HMGCLL1: variants seen among roughly 807,000 people sequenced by gnomAD.
HMGCLL1 encodes 3-hydroxymethyl-3-methylglutaryl-CoA lyase, cytoplasmic.
A neutral mutation model predicts 39.1 loss-of-function variants in HMGCLL1; 36 were observed. The ratio of observed to expected loss-of-function variants is 0.92; its 90% CI spans 0.71 to 1.22. The LOEUF is 1.22. HMGCLL1 is among the 50% of genes most tolerant of loss of function. The pLI is 0.00. For synonymous variants in HMGCLL1, 149 were observed against 144.0 expected, an observed-to-expected ratio of 1.03 and a Z score of -0.25; for missense variants, 451 against 416.5, an observed-to-expected ratio of 1.08 and a Z score of -0.72.
At chr6:55,653,370 T>C in the HMGCLL1 span, among the ~76,000 whole-genome samples, 1 of 151,988 alleles carries the variant, frequency 6.6e-6, no homozygotes, top group Non-Finnish European at 1.5e-5. Flanking sequence ...TTAAAGTCGA[T>C]TGTATGAAAC....
At chr6:55,674,120 T>A in the HMGCLL1 span, among the ~76,000 whole-genome samples, 550 of 152,104 alleles carry the variant, frequency 3.6e-3, 7 homozygotes, top group Non-Finnish European at 1.4e-3. Context: ...TTGAAAATGA[T>A]GTTGATACAT....
rs1037624767 is a variant in HMGCLL1 at position 55,531,868 on chromosome 6, A to G, written c.297+9861T>C. ...GCTGTCTTTATCATCCCCATATGGGACTGTCTAGTTGCAGGAAAACAAGCT... is the reference window on the plus strand; with the variant it reads ...GCTGTCTTTATCATCCCCATATGGGGCTGTCTAGTTGCAGGAAAACAAGCT... On this transcript the variant is annotated intron_variant, in intron 3 of 8. Coordinates refer to ENST00000274901, the MANE Select transcript of HMGCLL1 (RefSeq NM_001042406.2). Among the ~76,000 whole-genome samples the G allele has an allele frequency of 5.9e-5, 9 of 152,266 alleles. 1 individual carries two copies. The highest frequency in any genetic ancestry group is 3.3e-4 in the Admixed American group (5 of 15,302).
chr6:55,459,475 A>T (rs1404188233), intron 7 of HMGCLL1, among the ~76,000 whole-genome samples: 2 of 152,018 alleles, frequency 1.3e-5, no homozygotes. Flanking sequence ...AGCAGACCTT[A>T]AAAAATATAA....
the HMGCLL1 span, among the ~76,000 whole-genome samples, chr6:55,628,626 G>A: frequency 1.3e-5 from 2 of 151,984 alleles, no homozygotes; most frequent in Non-Finnish European, 2.9e-5. Context: ...TGAAAAGTCT[G>A]ATACCAGATG....
the HMGCLL1 span, among the ~76,000 whole-genome samples, chr6:55,651,372 A>T: frequency 6.6e-6 from 1 of 152,050 alleles, no homozygotes; most frequent in Non-Finnish European, 1.5e-5. Context: ...GTGTCTAGAA[A>T]TGTTACCTAT....
chr6:55,513,862 A>G, intron 5 of HMGCLL1, 186 bp downstream of exon 5: 1 of 559,688 alleles, frequency 1.8e-6, no homozygotes. Flanking sequence ...CAAGCTAGAT[A>G]CTCACTAATA....
chr6:55,571,479 T>C (rs572640972), intron 1 of HMGCLL1, among the ~76,000 whole-genome samples: 2 of 152,244 alleles, frequency 1.3e-5, no homozygotes, highest in South Asian at 4.1e-4. Flanking sequence ...TGAGTGAGGC[T>C]GATAGATTTG....
At chr6:55,664,011 T>C in the HMGCLL1 span, among the ~76,000 whole-genome samples, 1 of 151,890 alleles carries the variant, frequency 6.6e-6, no homozygotes, top group Non-Finnish European at 1.5e-5. Context: ...TTTTCTAATT[T>C]CCATTTGCTT....
the HMGCLL1 span, among the ~76,000 whole-genome samples, chr6:55,662,147 G>T: frequency 6.6e-6 from 1 of 151,590 alleles, no homozygotes; most frequent in Non-Finnish European, 1.5e-5. Flanking sequence ...GGATAGTTTG[G>T]CTTCCTTCCT....
intron 3 of HMGCLL1, among the ~76,000 whole-genome samples, chr6:55,528,833 C>A (rs1276572952): frequency 2.0e-5 from 3 of 151,926 alleles, no homozygotes; most frequent in Admixed American, 6.6e-5. Flanking sequence ...GGGTGAAATG[C>A]CTACACGTCT....
intron 7 of HMGCLL1, among the ~76,000 whole-genome samples, chr6:55,490,192 C>A (rs13213275): frequency 6.6e-6 from 1 of 151,814 alleles, no homozygotes; most frequent in Admixed American, 6.6e-5. Context: ...CTATCAGATA[C>A]GTGTTGAAGA....
the HMGCLL1 span, among the ~76,000 whole-genome samples, chr6:55,628,773 A>G: frequency 8.9e-3 from 1,352 of 152,210 alleles, 17 homozygotes; most frequent in African/African-American, 0.031. Context: ...ATGATAGTGA[A>G]TAAGTCTCAT....
At chr6:55,521,942 G>T (rs1002600185) in intron 3 of HMGCLL1, among the ~76,000 whole-genome samples, 4 of 151,934 alleles carry the variant, frequency 2.6e-5, no homozygotes, top group Admixed American at 6.6e-5. Context: ...TAAATGCAAA[G>T]AAAAAGTCAG....
At chr6:55,477,293 AATAATATATATTATATAT>A (rs1765432948) in intron 7 of HMGCLL1, among the ~76,000 whole-genome samples, 1 of 9,090 alleles carries the variant, frequency 1.1e-4, no homozygotes, top group African/African-American at 1.4e-3. Context: ...TTATATATAA[AATAATATATATTATATAT>A]ATAATATATA....
At chr6:55,632,502 T>C in the HMGCLL1 span, among the ~76,000 whole-genome samples, 1 of 151,530 alleles carries the variant, frequency 6.6e-6, no homozygotes, top group African/African-American at 2.4e-5. Flanking sequence ...GGTCAGAATG[T>C]ATTACTCATC....
At chr6:55,590,691 A>G in the HMGCLL1 span, among the ~76,000 whole-genome samples, 1 of 152,146 alleles carries the variant, frequency 6.6e-6, no homozygotes, top group Middle Eastern at 3.4e-3. Context: ...TAAACTGTGG[A>G]TACTATATGT....
the HMGCLL1 span, among the ~76,000 whole-genome samples, chr6:55,635,659 A>G: frequency 2.0e-5 from 3 of 152,150 alleles, no homozygotes; most frequent in Non-Finnish European, 2.9e-5. Context: ...GCTGCATTAT[A>G]TTGAATAATC....
At chr6:55,447,753 C>A (rs1763917677) in intron 7 of HMGCLL1, among the ~76,000 whole-genome samples, 1 of 152,062 alleles carries the variant, frequency 6.6e-6, no homozygotes, top group African/African-American at 2.4e-5. Flanking sequence ...AACACATGCC[C>A]ATTTTACTCA....
At position 55,495,462 on chromosome 6, in the gene HMGCLL1, TCATGACA is replaced by T; in HGVS notation, c.745_751del (p.Cys249ThrfsTer7). 6.2e-7 allele frequency: 1 copy of T among 1,614,056 alleles called. No homozygotes were observed. On this transcript the variant is annotated frameshift_variant, in exon 7 of 9. Transcript: ENST00000274901. LOFTEE classifies it high-confidence loss of function. Reference sequence around the variant, plus strand: ...ATTTGCTAAGGCTTGTCCGTATGTGTCATGACAGTGAACAGCAAGAGCACCTGGTGGG... The same window carrying T: ...ATTTGCTAAGGCTTGTCCGTATGTGTGTGAACAGCAAGAGCACCTGGTGGG...
Sources: allele counts gnomAD v4.1 joint callset (sites outside exome capture counted in the v4.1 genomes callset), GRCh38; gene constraint gnomAD v4.1.1; transcripts MANE v1.5; gene names NCBI Gene and HGNC (gene_info 2026-07-23, HGNC 2026-07-21).